The following ENPP7 variants were observed in gnomAD, a reference collection of about 807,000 sequenced individuals.
ENPP7 encodes ectonucleotide pyrophosphatase/phosphodiesterase 7.
In ENPP7, 39 loss-of-function variants were observed where a neutral mutation model predicts 33.6. The observed-to-expected ratio is 1.16, with a 90% CI of 0.90 to 1.52. ENPP7 has a LOEUF of 1.52. Among genes scored for constraint, ENPP7 ranks in the 40% most tolerant of loss-of-function variants. The probability of loss-of-function intolerance (pLI) is 0.00; values close to 1 mark genes in which losing one functional copy is unlikely to be tolerated. For synonymous variants in ENPP7, 244 were observed against 274.3 expected (o/e 0.89, Z 1.09); for missense variants, 594 against 641.0 (o/e 0.93, Z 0.79).
chr17:79,732,016 T>C (rs1555822588), intron 1 of ENPP7, among the ~76,000 whole-genome samples: 1 of 150,542 alleles, frequency 6.6e-6, no homozygotes, highest in African/African-American at 2.4e-5. Flanking sequence ...GAGAATTGCA[T>C]GAACCCAGGA....
At position 79,741,993 on chromosome 17, in the gene ENPP7, C is replaced by T. The variant is rs1356470153; in HGVS notation, c.*216C>T. 3 of 981,494 alleles carry T rather than the reference C, an allele frequency of 3.1e-6. No individual in the cohort carries two copies. The highest frequency in any genetic ancestry group is 1.7e-5 in the African/African-American group (1 of 57,166). The allele number at this position is 981,494 out of a possible 1,614,324, so 60.8% of individuals were successfully genotyped here. On this transcript the variant is annotated 3_prime_UTR_variant, in exon 6 of 6. Coordinates refer to ENST00000328313, the MANE Select transcript of ENPP7 (RefSeq NM_178543.5). ...CCCAGGTCCAGAGCCCCCGGCGAGC[C>T]GGTCCCATAACCGGCCCCCTGCCCC...
rs137880916 is a variant in ENPP7 at position 79,735,457 on chromosome 17, G to T, written c.814G>T (p.Asp272Tyr). ...FHKFPNFTFR[D>Y]IEFELLDYGP... The stretch of plus-strand genomic sequence containing the variant: ...CAAGTTCCCCAACTTCACCTTCCGG[G>T]ACATCGAGTTTGAGCTCCTGGACTA... Residue 272 changes from aspartate to tyrosine, a missense_variant, in exon 3 of 6, where the codon GAC becomes TAC. Asp to Tyr is a radical substitution (Grantham distance 160). This residue lies in a region of ENPP7 where 504 missense variants were observed against 512.8 expected (regional missense o/e 0.98). Transcript: ENST00000328313. This position sits in a 1 kb window ranked among gnomAD's most constrained non-coding sequence, Gnocchi z 5.5. 285 of 1,614,004 alleles carry T rather than the reference G, an allele frequency of 1.8e-4. 2 individuals carry two copies. Among genetic ancestry groups the T allele is most frequent in the Non-Finnish European group, 2.3e-4 (272 of 1,180,042 alleles).
In ENPP7 at chr17:79,735,396, C is replaced by T. The variant is rs78253818; in HGVS notation, c.753C>T (p.Thr251=). Residue 251 remains threonine, a synonymous_variant, in exon 3 of 6, where the codon ACC becomes ACT. Coordinates refer to ENST00000328313, the MANE Select transcript of ENPP7 (RefSeq NM_178543.5). The surrounding 1 kb of genome is among the most constrained non-coding windows in gnomAD (Gnocchi z 5.5). ...TCACATCCGACCACGGCATGACGACCGTGGACAAACGGGCTGGCGACCTGG... is the reference window on the plus strand; with the variant it reads ...TCACATCCGACCACGGCATGACGACTGTGGACAAACGGGCTGGCGACCTGG... The part of the protein sequence containing the change: ...LIITSDHGMT[T]VDKRAGDLVE... 5.7e-3 allele frequency: 9,197 copies of T among 1,614,038 alleles called. 385 individuals are homozygous for T. In the African/African-American group the frequency reaches 0.1, roughly 18 times the overall value.
In ENPP7 at chr17:79,735,454, C is replaced by T. The variant is rs782637043; in HGVS notation, c.811C>T (p.Arg271Trp). ...EFHKFPNFTFRDIEFELLDYG... is the reference protein window; with the variant it reads ...EFHKFPNFTFWDIEFELLDYG... ...CCACAAGTTCCCCAACTTCACCTTC[C>T]GGGACATCGAGTTTGAGCTCCTGGA... The change falls in exon 3 of 6, where the codon CGG becomes TGG. Residue 271 changes from arginine to tryptophan, a missense_variant. Around this residue, in one of 3 missense-constraint regions of ENPP7, gnomAD observed 504 missense variants for 512.8 expected, o/e 0.98. Transcript: ENST00000328313. The surrounding 1 kb of genome is among the most constrained non-coding windows in gnomAD (Gnocchi z 5.5). The T allele has an allele frequency of 2.2e-5, 36 of 1,614,096 alleles. No individual in the cohort carries two copies. The highest frequency in any genetic ancestry group is 5.5e-5 in the South Asian group (5 of 91,088).
intron 3 of ENPP7, 49 bp from the exon 4 acceptor site, chr17:79,736,992 G>A (rs782369589): frequency 6.5e-7 from 1 of 1,538,024 alleles, no homozygotes; most frequent in Non-Finnish European, 9.0e-7. Flanking sequence ...GGCGGAGAGG[G>A]TCTGTTGCTC....
chr17:79,733,418 T>C, intron 1 of ENPP7, 90 bp from the exon 2 acceptor site: 1 of 1,355,538 alleles, frequency 7.4e-7, no homozygotes, highest in Non-Finnish European at 1.0e-6. Flanking sequence ...AAACCTGGGC[T>C]GTTTTGACTT....
Position 79,735,737 on chromosome 17 carries a change from T to C in ENPP7, c.1026+68T>C. The C allele has an allele frequency of 6.3e-6, 9 of 1,437,844 alleles. No individual in the cohort carries two copies. Among genetic ancestry groups the C allele is most frequent in the Non-Finnish European group, 8.4e-6 (9 of 1,072,580 alleles). The allele number at this position is 1,437,844 out of a possible 1,614,324, so 89.1% of individuals were successfully genotyped here. On this transcript the variant is annotated intron_variant, in intron 3 of 5. Coordinates refer to ENST00000328313, the MANE Select transcript of ENPP7 (RefSeq NM_178543.5). This position sits in a 1 kb window ranked among gnomAD's most constrained non-coding sequence, Gnocchi z 5.5. ...CCAGGCTCTGGGTCTTCTTTTTTTT[T>C]TTTTGAGACCAGGGTCTTGCTCTGT...
intron 1 of ENPP7, among the ~76,000 whole-genome samples, chr17:79,732,013 G>A (rs2094286320): frequency 6.6e-6 from 1 of 150,744 alleles, no homozygotes; most frequent in South Asian, 2.1e-4. Context: ...CAGGAGAATT[G>A]CATGAACCCA....
intron 1 of ENPP7, among the ~76,000 whole-genome samples, chr17:79,731,913 C>T (rs1457099988): frequency 6.6e-6 from 1 of 151,914 alleles, no homozygotes; most frequent in Admixed American, 6.6e-5. Flanking sequence ...GCCTGGCCAA[C>T]ATGGCGAAAC....
chr17:79,733,675 C>A, intron 2 of ENPP7, 22 bp downstream of exon 2: 3 of 1,594,010 alleles, frequency 1.9e-6, no homozygotes, highest in Non-Finnish European at 2.6e-6. Flanking sequence ...CCCGCCCATA[C>A]TGACATCGCA....
rs1555822357 is a variant in ENPP7 at position 79,731,013 on chromosome 17, G to T, written c.-127G>T. 9.2e-7 allele frequency: 1 copy of T among 1,087,666 alleles called. No individual in the cohort carries two copies. Among genetic ancestry groups the T allele is most frequent in the Non-Finnish European group, 1.3e-6 (1 of 780,606 alleles). The allele number at this position is 1,087,666 out of a possible 1,614,324, so 67.4% of individuals were successfully genotyped here. ...AGCCCACTCCCGAGGTTCGACCCGG[G>T]GATGTGCACAGCCACATTCCAAAGG... On this transcript the variant is annotated 5_prime_UTR_variant, in exon 1 of 6. Transcript: ENST00000328313.
chr17:79,732,560 C>A (rs1251405455), intron 1 of ENPP7, among the ~76,000 whole-genome samples: 1 of 152,184 alleles, frequency 6.6e-6, no homozygotes, highest in South Asian at 2.1e-4. Flanking sequence ...TCCCTCCTCA[C>A]CTCTTCTGGC....
intron 5 of ENPP7, among the ~76,000 whole-genome samples, chr17:79,740,443 G>A (rs976878783): frequency 2.9e-4 from 44 of 152,242 alleles, no homozygotes; most frequent in African/African-American, 7.9e-4. Context: ...TCCTGGTCCC[G>A]AGTACTTTCA....
chr17:79,736,763 C>T (rs894255211), intron 3 of ENPP7, among the ~76,000 whole-genome samples: 4 of 152,252 alleles, frequency 2.6e-5, no homozygotes, highest in Non-Finnish European at 4.4e-5. Flanking sequence ...GCGTTCAACA[C>T]CGCACAGGCG....
In ENPP7 at chr17:79,735,388, A is replaced by G. The variant is rs2094293640; in HGVS notation, c.745A>G (p.Met249Val). The change falls in exon 3 of 6, where the codon ATG (methionine) becomes GTG (valine). Residue 249 changes from methionine (M) to valine (V), a missense_variant. Physicochemically the swap from Met to Val is conservative, Grantham distance 21. Around this residue, in one of 3 missense-constraint regions of ENPP7, gnomAD observed 504 missense variants for 512.8 expected, o/e 0.98. Transcript: ENST00000328313. This position sits in a 1 kb window ranked among gnomAD's most constrained non-coding sequence, Gnocchi z 5.5. ...CCTGATCATCACATCCGACCACGGC[A>G]TGACGACCGTGGACAAACGGGCTGG... is the stretch of plus-strand genomic sequence containing the variant. Reference protein sequence around the residue: ...LNLIITSDHGMTTVDKRAGDL... With the variant: ...LNLIITSDHGVTTVDKRAGDL... 1 of 1,613,936 alleles carries G rather than the reference A, an allele frequency of 6.2e-7. No individual in the cohort carries two copies. Among genetic ancestry groups the G allele is most frequent in the South Asian group, 1.1e-5 (1 of 91,078 alleles).
rs139719997 is a variant in ENPP7 at position 79,737,191 on chromosome 17, C to T, written c.1177C>T (p.Arg393Trp). The change falls in exon 4 of 6, where the codon CGG becomes TGG. Residue 393 changes from arginine (R) to tryptophan (W), a missense_variant. By Grantham distance (101) the Arg-to-Trp change is moderately radical. Coordinates refer to ENST00000328313, the MANE Select transcript of ENPP7 (RefSeq NM_178543.5). This position sits in a 1 kb window ranked among gnomAD's most constrained non-coding sequence, Gnocchi z 5.5. ...CGTCCACGTGTACGAGCTCATGTGCCGGCTGCTGGGCATCGTGCCCGAGGC... is the reference window on the plus strand; with the variant it reads ...CGTCCACGTGTACGAGCTCATGTGCTGGCTGCTGGGCATCGTGCCCGAGGC... ...ESVHVYELMCRLLGIVPEAND... is the reference protein window; with the variant it reads ...ESVHVYELMCWLLGIVPEAND... 3.2e-3 allele frequency: 5,215 copies of T among 1,613,286 alleles called. 14 individuals are homozygous for T. The highest frequency in any genetic ancestry group is 5.6e-3 in the Middle Eastern group (34 of 6,062).
At position 79,735,702 on chromosome 17, in the gene ENPP7, G is replaced by C. The variant is rs1555823482; in HGVS notation, c.1026+33G>C. 6.4e-7 allele frequency: 1 copy of C among 1,570,822 alleles called. No individual in the cohort carries two copies. Among genetic ancestry groups the C allele is most frequent in the East Asian group, 2.3e-5 (1 of 44,396 alleles). ...GCCTGCTGGAGGCACCACCTCCAGG[G>C]GCTCCCTCCCCAGGCTCTGGGTCTT... On this transcript the variant is annotated intron_variant, in intron 3 of 5. Transcript: ENST00000328313. The surrounding 1 kb of genome is among the most constrained non-coding windows in gnomAD (Gnocchi z 5.5).
rs1568488287 is a variant in ENPP7 at position 79,738,966 on chromosome 17, A to C, written c.*16+904A>C. On this transcript the variant is annotated intron_variant, in intron 5 of 5. Transcript: ENST00000328313. This position sits in a 1 kb window ranked among gnomAD's most constrained non-coding sequence, Gnocchi z 6.2. ...ATTTAAAGGTGCAAGAAAGCAGAGA[A>C]CACAAAAGCAAATGAATCCACGCAC... The C allele has an allele frequency of 6.6e-6, 1 of 152,356 alleles. No homozygotes were observed. Among genetic ancestry groups the C allele is most frequent in the Non-Finnish European group, 1.5e-5 (1 of 68,100 alleles). The allele number at this position is 152,356 out of a possible 1,614,324, so 9.4% of individuals were successfully genotyped here.
rs559315576 is a variant in ENPP7 at position 79,737,303 on chromosome 17, A to T, written c.1246+43A>T. 6.8e-7 allele frequency: 1 copy of T among 1,480,756 alleles called. No individual in the cohort carries two copies. Among genetic ancestry groups the T allele is most frequent in the African/African-American group, 1.4e-5 (1 of 72,134 alleles). The allele number at this position is 1,480,756 out of a possible 1,614,324, so 91.7% of individuals were successfully genotyped here. On this transcript the variant is annotated intron_variant, in intron 4 of 5. Transcript: ENST00000328313. This position sits in a 1 kb window ranked among gnomAD's most constrained non-coding sequence, Gnocchi z 5.5. ...CAAATCCCCGCCTGCTCTGGTGTGT[A>T]CACGTGTGCACACGAGGGTGCCTGC...
Sources: allele counts gnomAD v4.1 joint callset (sites outside exome capture counted in the v4.1 genomes callset), GRCh38; gene constraint gnomAD v4.1.1; regional missense constraint gnomAD v4.1.1; non-coding constraint Gnocchi (gnomAD v3.1); transcripts MANE v1.5; gene names NCBI Gene and HGNC (gene_info 2026-07-23, HGNC 2026-07-21).